The following MDGA2 variants were observed in gnomAD, a reference collection of about 807,000 sequenced individuals.
MDGA2 encodes the protein MAM domain-containing glycosylphosphatidylinositol anchor protein 2.
In MDGA2, 40 loss-of-function variants were observed where a neutral mutation model predicts 117.8. The observed-to-expected ratio is 0.34, with a 90% CI of 0.26 to 0.44. The LOEUF is 0.44. Among genes scored for constraint, MDGA2 ranks in the 20% least tolerant of loss-of-function variants. The pLI is 1.00. For synonymous variants in MDGA2, 452 were observed against 439.0 expected (o/e 1.03, Z -0.37); for missense variants, 1,123 against 1,250.6 (o/e 0.90, Z 1.54).
chr14:46,883,983 C>T (rs1780171090), intron 10 of MDGA2, among the ~76,000 whole-genome samples: 1 of 151,814 alleles, frequency 6.6e-6, no homozygotes, highest in African/African-American at 2.4e-5. Context: ...TTTCATGGGG[C>T]TTTTCTCCTT....
chr14:47,560,264 G>A (rs1363536535), intron 1 of MDGA2, among the ~76,000 whole-genome samples: 3 of 151,428 alleles, frequency 2.0e-5, no homozygotes, highest in East Asian at 4.0e-4. Flanking sequence ...GTAGAAACGG[G>A]GTTTCACCGT....
chr14:47,316,479 A>C (rs1464273777), intron 1 of MDGA2, among the ~76,000 whole-genome samples: 1 of 152,122 alleles, frequency 6.6e-6, no homozygotes, highest in Non-Finnish European at 1.5e-5. Flanking sequence ...TTATTGCTGA[A>C]AATTTCAACT....
intron 5 of MDGA2, among the ~76,000 whole-genome samples, chr14:47,108,634 A>C (rs1880867231): frequency 6.6e-6 from 1 of 152,144 alleles, no homozygotes; most frequent in Admixed American, 6.5e-5. Flanking sequence ...CAAATCCTAT[A>C]AAACGGCCCC....
At chr14:46,965,405 G>T (rs145836067) in intron 8 of MDGA2, among the ~76,000 whole-genome samples, 2 of 152,102 alleles carry the variant, frequency 1.3e-5, no homozygotes, top group Non-Finnish European at 2.9e-5. Context: ...ATAATGTTGG[G>T]TTAAAATTCT....
chr14:47,509,594 G>A (rs1270103726), intron 1 of MDGA2, among the ~76,000 whole-genome samples: 1 of 152,110 alleles, frequency 6.6e-6, no homozygotes, highest in African/African-American at 2.4e-5. Context: ...CTGGGGTGGG[G>A]GGCCTTCCTA....
At position 46,840,984 on chromosome 14, in the gene MDGA2, C is replaced by G. The variant is rs1460124459; in HGVS notation, c.*947G>C. The G allele has an allele frequency of 6.6e-6, 1 of 152,554 alleles. No homozygotes were observed. Among genetic ancestry groups the G allele is most frequent in the African/African-American group, 2.4e-5 (1 of 41,438 alleles). 9.5% of individuals were successfully genotyped at this position (152,554 alleles called of 1,614,324 possible). On this transcript the variant is annotated 3_prime_UTR_variant, in exon 17 of 17. Transcript: ENST00000399232. ...TCGGTCCTTTCTTCTTCAGAAGCGGCTTTGTTGTCTTGCCTGTAATTTGCA... is the reference window on the plus strand; with the variant it reads ...TCGGTCCTTTCTTCTTCAGAAGCGGGTTTGTTGTCTTGCCTGTAATTTGCA...
chr14:47,364,510 C>T (rs575349083), intron 1 of MDGA2, among the ~76,000 whole-genome samples: 49 of 152,256 alleles, frequency 3.2e-4, no homozygotes, highest in Non-Finnish European at 5.4e-4. Context: ...GTGATCCACC[C>T]GCCTCGGCCT....
chr14:47,001,529 G>A (rs1887529225), intron 8 of MDGA2, among the ~76,000 whole-genome samples: 1 of 152,042 alleles, frequency 6.6e-6, no homozygotes, highest in African/African-American at 2.4e-5. Flanking sequence ...CAGGATACAT[G>A]CATATAGGAA....
chr14:46,902,480 T>G (rs763842068), intron 10 of MDGA2, among the ~76,000 whole-genome samples: 3 of 152,154 alleles, frequency 2.0e-5, no homozygotes, highest in Non-Finnish European at 4.4e-5. Context: ...TTTGAATACA[T>G]AGAAATTACA....
At chr14:47,334,501 A>G (rs1276031774) in intron 1 of MDGA2, among the ~76,000 whole-genome samples, 1 of 151,900 alleles carries the variant, frequency 6.6e-6, no homozygotes, top group Non-Finnish European at 1.5e-5. Flanking sequence ...ATTATAATAC[A>G]TCCACAGGAT....
intron 8 of MDGA2, among the ~76,000 whole-genome samples, chr14:46,990,013 C>G (rs1887023497): frequency 6.6e-6 from 1 of 152,068 alleles, no homozygotes; most frequent in Non-Finnish European, 1.5e-5. Context: ...CAGGCTGTCA[C>G]TAAAGAATAC....
chr14:46,948,354 C>A (rs1256209674), intron 9 of MDGA2, among the ~76,000 whole-genome samples: 1 of 151,922 alleles, frequency 6.6e-6, no homozygotes, highest in Non-Finnish European at 1.5e-5. Flanking sequence ...TAAGGATGAC[C>A]TAGGCTCTTG....
chr14:47,264,311 T>G (rs1887892615), intron 2 of MDGA2, among the ~76,000 whole-genome samples: 1 of 152,120 alleles, frequency 6.6e-6, no homozygotes, highest in African/African-American at 2.4e-5. Context: ...CAAAAAATAA[T>G]AGAGCCAAAC....
rs1449786078 is a variant in MDGA2, at chr14:47,613,477, TCTCACACACA to T, written c.280+61030_280+61039del. Among the ~76,000 whole-genome samples, 3 of 138,162 alleles carry T rather than the reference TCTCACACACA, an allele frequency of 2.2e-5. 1 individual carries two copies. The highest frequency in any genetic ancestry group is 4.6e-5 in the Non-Finnish European group (3 of 64,984). The allele number at this position is 138,162 out of a possible 152,430, so 90.6% of individuals were successfully genotyped here. A position where few individuals can be genotyped will look rare whatever the true frequency, so the allele number is the denominator to read the frequency against. On this transcript the variant is annotated intron_variant, in intron 1 of 16. Transcript: ENST00000399232. ...TCATTTATCTCTCTCTCTCTCTCTC[TCTCACACACA>T]CACACACACACACACACACGCACAC...
intron 1 of MDGA2, among the ~76,000 whole-genome samples, chr14:47,320,813 A>C (rs1345761537): frequency 2.0e-5 from 3 of 152,100 alleles, no homozygotes; most frequent in Non-Finnish European, 4.4e-5. Flanking sequence ...CCTGGAGGGG[A>C]AGAGCCTCGG....
intron 4 of MDGA2, among the ~76,000 whole-genome samples, chr14:47,134,774 ACAC>A (rs894333491): frequency 1.4e-4 from 20 of 141,778 alleles, no homozygotes; most frequent in Admixed American, 1.2e-3. Flanking sequence ...ACACACACAC[ACAC>A]TATATATATA....
At chr14:47,460,917 A>C (rs2138591304) in intron 1 of MDGA2, among the ~76,000 whole-genome samples, 2 of 152,322 alleles carry the variant, frequency 1.3e-5, no homozygotes, top group Middle Eastern at 6.8e-3. Context: ...CAAACACATT[A>C]ATTATAAACC....
chr14:46,845,305 C>T (rs1417012172), intron 16 of MDGA2, among the ~76,000 whole-genome samples: 3 of 152,172 alleles, frequency 2.0e-5, no homozygotes, highest in East Asian at 3.9e-4. Flanking sequence ...CTTAGGCCTC[C>T]CAGCCTTGCT....
At chr14:47,370,345 C>T (rs1348724141) in intron 1 of MDGA2, among the ~76,000 whole-genome samples, 1 of 150,008 alleles carries the variant, frequency 6.7e-6, no homozygotes, top group East Asian at 2.0e-4. Flanking sequence ...AAAGAGAGGA[C>T]TAAATGTTTG....
Sources: allele counts gnomAD v4.1 joint callset (sites outside exome capture counted in the v4.1 genomes callset), GRCh38; gene constraint gnomAD v4.1.1; transcripts MANE v1.5; gene names NCBI Gene and HGNC (gene_info 2026-07-23, HGNC 2026-07-21).